Variants in COL16A1 observed in about 807,000 individuals in gnomAD.
COL16A1 encodes collagen alpha-1(XVI) chain.
A neutral mutation model predicts 266.3 loss-of-function variants in COL16A1; 189 were observed. The ratio of observed to expected loss-of-function variants is 0.71; its 90% CI spans 0.63 to 0.80. The LOEUF (loss-of-function observed/expected upper bound fraction) is 0.80, where lower values mean the gene tolerates loss of function less well. Among genes scored for constraint, COL16A1 ranks in the 30% least tolerant of loss-of-function variants. The pLI is 0.00. For synonymous variants in COL16A1, 740 were observed against 782.3 expected (o/e 0.95, Z 0.90); for missense variants, 1,928 against 2,122.4 (o/e 0.91, Z 1.80).
chr1:31,664,756 T>A lies in COL16A1; in HGVS notation c.3555+416A>T, dbSNP rs569094867. The stretch of plus-strand genomic sequence containing the variant: ...AGGAGGAGCCCATTCCCCTTCCACG[T>A]TGGTGTCCTCCTTCAGGACGTGCTT... On this transcript the variant is annotated intron_variant, in intron 56 of 70. Coordinates refer to ENST00000373672, the MANE Select transcript of COL16A1 (RefSeq NM_001856.4). This position sits in a 1 kb window ranked among gnomAD's most constrained non-coding sequence, Gnocchi z 5.5. Among the ~76,000 whole-genome samples, 5 of 152,252 alleles carry A rather than the reference T, an allele frequency of 3.3e-5. No homozygotes were observed. Among genetic ancestry groups the A allele is most frequent in the African/African-American group, 1.2e-4 (5 of 41,544 alleles).
rs905115336 is a variant in COL16A1 at position 31,656,186 on chromosome 1, G to A, written c.4101+214C>T. On this transcript the variant is annotated intron_variant, in intron 66 of 70. Transcript: ENST00000373672. The surrounding 1 kb of genome is among the most constrained non-coding windows in gnomAD (Gnocchi z 4.2). ...AATGAATGAATCAATCAGTCAATCA[G>A]TGAGTAAATGAACTGGAGATTTCCT... is the stretch of plus-strand genomic sequence containing the variant. The A allele has an allele frequency of 1.2e-4, 82 of 707,564 alleles. No homozygotes were observed. The highest frequency in any genetic ancestry group is 4.2e-4 in the Admixed American group (14 of 33,140). The allele number at this position is 707,564 out of a possible 1,614,324, so 43.8% of individuals were successfully genotyped here.
chr1:31,696,818 G>A (rs1644522156), intron 8 of COL16A1, 145 bp downstream of exon 8: 13 of 1,340,574 alleles, frequency 9.7e-6, no homozygotes, highest in Non-Finnish European at 1.2e-5. Flanking sequence ...TTTAGGGGTG[G>A]CGTACAAATA....
Position 31,691,524 on chromosome 1 carries a change from A to G in COL16A1, c.1303-12T>C. On this transcript the variant is annotated splice_polypyrimidine_tract_variant and intron_variant, in intron 18 of 70. Coordinates refer to ENST00000373672, the MANE Select transcript of COL16A1 (RefSeq NM_001856.4). ...AAGCCAGGGTCTCCCTGGCACAGACATAAGGTGGGCATCAGAGAGCTGCCA... is the reference window on the plus strand; with the variant it reads ...AAGCCAGGGTCTCCCTGGCACAGACGTAAGGTGGGCATCAGAGAGCTGCCA... The G allele has an allele frequency of 6.2e-7, 1 of 1,613,942 alleles. No homozygotes were observed. The highest frequency in any genetic ancestry group is 8.5e-7 in the Non-Finnish European group (1 of 1,179,928).
At chr1:31,679,379 G>C in intron 42 of COL16A1, 3 of 1,505,820 alleles carry the variant, frequency 2.0e-6, no homozygotes, top group Non-Finnish European at 2.7e-6. Flanking sequence ...ATTTTTATCT[G>C]ACCCAGATTG....
At chr1:31,675,383 A>C in intron 42 of COL16A1, 72 bp from the exon 43 acceptor site, 207 of 1,563,486 alleles carry the variant, frequency 1.3e-4, no homozygotes, top group Non-Finnish European at 1.7e-4. Context: ...TTTCCTTCTC[A>C]TCATCCCCGC....
chr1:31,654,014 G>T lies in COL16A1; in HGVS notation c.4387C>A (p.Gln1463Lys). ...ERMAYYTSRM[Q>K]FPMEMAAAPG... ...GCTGCCGCCATCTCCATGGGGAACT[G>T]CATCCTGGAGGTGTAGTAAGCCATT... The change falls in exon 69 of 71, where the codon CAG (glutamine) becomes AAG (lysine). Residue 1463 changes from glutamine (Q) to lysine (K), a missense_variant. Gln to Lys is a moderately conservative substitution (Grantham distance 53). Coordinates refer to ENST00000373672, the MANE Select transcript of COL16A1 (RefSeq NM_001856.4). The T allele has an allele frequency of 6.2e-7, 1 of 1,614,092 alleles. No individual in the cohort carries two copies. Among genetic ancestry groups the T allele is most frequent in the Non-Finnish European group, 8.5e-7 (1 of 1,179,962 alleles).
chr1:31,658,889 G>A, intron 63 of COL16A1, 25 bp downstream of exon 63: 1 of 1,551,898 alleles, frequency 6.4e-7, no homozygotes. Flanking sequence ...CTGGGAGGGA[G>A]GAAGGAGTGG....
At chr1:31,659,392 G>T (rs1021439453) in intron 62 of COL16A1, among the ~76,000 whole-genome samples, 1 of 152,154 alleles carries the variant, frequency 6.6e-6, no homozygotes, top group African/African-American at 2.4e-5. Context: ...GGGGTGAGGG[G>T]CAGGGGCTTG....
intron 58 of COL16A1, 165 bp from the exon 59 acceptor site, chr1:31,661,869 C>T: frequency 2.8e-6 from 2 of 726,598 alleles, no homozygotes; most frequent in Non-Finnish European, 4.5e-6. Flanking sequence ...TCAGTGACTT[C>T]CAGCCCCTCT....
intron 1 of COL16A1, among the ~76,000 whole-genome samples, 178 bp downstream of exon 1, chr1:31,703,659 G>A (rs933456265): frequency 8.5e-5 from 13 of 152,240 alleles, no homozygotes; most frequent in Non-Finnish European, 1.9e-4. Context: ...CCAACACAGA[G>A]GCATAGATTT....
chr1:31,683,458 G>A (rs752891559), intron 34 of COL16A1, 89 bp from the exon 35 acceptor site: 1 of 1,606,698 alleles, frequency 6.2e-7, no homozygotes, highest in Non-Finnish European at 8.5e-7. Flanking sequence ...TGGTCTGGGT[G>A]GGGTATCTGC....
chr1:31,683,352 C>G lies in COL16A1; in HGVS notation c.2397G>C (p.Pro799=), dbSNP rs200649730. The G allele has an allele frequency of 6.2e-7, 1 of 1,614,162 alleles. No individual in the cohort carries two copies. The highest frequency in any genetic ancestry group is 1.7e-5 in the Admixed American group (1 of 60,028). Residue 799 remains proline (P), a synonymous_variant, in exon 35 of 71, where the codon CCG becomes CCC. Transcript: ENST00000373672. The stretch of plus-strand genomic sequence containing the variant: ...GACGTACCTGAATGCCAGGCAAACC[C>G]GGGGCTCCAGGCTCCCCCTGCAAGT... The part of the protein sequence containing the change: ...VQGPQGEPGA[P]GLPGIQGLPG...
rs199769518 is a variant in COL16A1 at position 31,684,542 on chromosome 1, G to A, written c.2141C>T (p.Ala714Val). 1.1e-5 allele frequency: 18 copies of A among 1,612,924 alleles called. No homozygotes were observed. The highest frequency in any genetic ancestry group is 2.2e-5 in the East Asian group (1 of 44,864). ...LSGEPGVQGP[A>V]GPKGEKGDGC... ...ACTAACCTTTTCTCCTTTTGGCCCCGCGGGGCCCTGAACTCCAGGCTCTCC... is the reference window on the plus strand; with the variant it reads ...ACTAACCTTTTCTCCTTTTGGCCCCACGGGGCCCTGAACTCCAGGCTCTCC... Residue 714 changes from alanine (A) to valine (V), a missense_variant, in exon 31 of 71, where the codon GCG becomes GTG. By Grantham distance (64) the Ala-to-Val change is moderately conservative (BLOSUM62 0). Coordinates refer to ENST00000373672, the MANE Select transcript of COL16A1 (RefSeq NM_001856.4).
intron 26 of COL16A1, among the ~76,000 whole-genome samples, chr1:31,687,408 C>T (rs902678767): frequency 5.5e-4 from 55 of 99,508 alleles, no homozygotes; most frequent in African/African-American, 1.4e-3. Context: ...AAACCAACAA[C>T]GCACAGACAC....
At chr1:31,696,834 G>A (rs1023999821) in intron 8 of COL16A1, 129 bp downstream of exon 8, 3 of 1,467,060 alleles carry the variant, frequency 2.0e-6, no homozygotes, top group African/African-American at 2.8e-5. Context: ...AAATAGGGAG[G>A]GCTTCCAGTG....
rs149405752 is a variant in COL16A1 at position 31,672,666 on chromosome 1, C to T, written c.2977-29G>A. Reference sequence around the variant, plus strand: ...CAAGGGACAATGAGAGGCACATTGTCTGATGAGGCAGCCAGGGAACCCTCC... The same window carrying T: ...CAAGGGACAATGAGAGGCACATTGTTTGATGAGGCAGCCAGGGAACCCTCC... On this transcript the variant is annotated intron_variant, in intron 45 of 70. Coordinates refer to ENST00000373672, the MANE Select transcript of COL16A1 (RefSeq NM_001856.4). 2,150 of 1,606,002 alleles carry T rather than the reference C, an allele frequency of 1.3e-3. 2 individuals carry two copies. Among genetic ancestry groups the T allele is most frequent in the Non-Finnish European group, 1.7e-3 (2,026 of 1,175,296 alleles).
rs1641787974 is a variant in COL16A1 at position 31,662,673 on chromosome 1, C to CGGG, written c.3556-16_3556-15insCCC. The CGGG allele has an allele frequency of 8.3e-5, 97 of 1,173,958 alleles. No individual in the cohort carries two copies. The highest frequency in any genetic ancestry group is 2.9e-4 in the Middle Eastern group (1 of 3,488). 72.7% of individuals were successfully genotyped at this position (1,173,958 alleles called of 1,614,324 possible). Reference sequence around the variant, plus strand: ...CCTTCGCTGCCCTGGAAACCAGCGCCGCCCCCCCCCCCCGCCCCACAATAA... The same window carrying CGGG: ...CCTTCGCTGCCCTGGAAACCAGCGCCGGGGCCCCCCCCCCCCGCCCCACAATAA... On this transcript the variant is annotated splice_polypyrimidine_tract_variant and intron_variant, in intron 56 of 70. Coordinates refer to ENST00000373672, the MANE Select transcript of COL16A1 (RefSeq NM_001856.4).
chr1:31,693,277 C>T, intron 12 of COL16A1, 123 bp from the exon 13 acceptor site: 2 of 694,094 alleles, frequency 2.9e-6, no homozygotes, highest in Non-Finnish European at 5.3e-6. Flanking sequence ...AATACGCACA[C>T]ATGTGAGCAG....
intron 17 of COL16A1, 106 bp downstream of exon 17, chr1:31,691,899 C>T: frequency 6.4e-7 from 1 of 1,561,668 alleles, no homozygotes; most frequent in Non-Finnish European, 8.8e-7. Context: ...AGCCCCTCCC[C>T]ACCCTGTCTG....
Sources: gnomAD v4.1 joint callset for allele counts (sites outside exome capture counted in the v4.1 genomes callset) on GRCh38, gnomAD v4.1.1 for gene constraint, Gnocchi (gnomAD v3.1) non-coding constraint, MANE v1.5 for transcripts, NCBI Gene and HGNC (gene_info 2026-07-23, HGNC 2026-07-21) for gene names.